WIF1: variants seen among roughly 807,000 people sequenced by gnomAD.
WIF1 encodes the protein Wnt inhibitory factor 1.
WIF1 carries 35 observed loss-of-function variants against 53.5 expected under a neutral mutation model. The observed-to-expected ratio is 0.65, with a 90% CI of 0.50 to 0.87. WIF1 has a LOEUF of 0.87. Among genes scored for constraint, WIF1 ranks in the 40% least tolerant of loss-of-function variants. The pLI, the probability that WIF1 is intolerant of heterozygous loss-of-function variation, is 0.00. For missense variants in WIF1, 467 were observed against 476.8 expected (o/e 0.98, Z 0.19); for synonymous variants, 171 against 170.4 (o/e 1.00, Z -0.03).
chr12:65,054,884 C>G (rs746475664), intron 9 of WIF1, among the ~76,000 whole-genome samples: 13 of 152,156 alleles, frequency 8.5e-5, no homozygotes, highest in Non-Finnish European at 1.8e-4. Flanking sequence ...ATGCATTACT[C>G]TTTACACACT....
chr12:65,062,541 A>G lies in WIF1; in HGVS notation c.766T>C (p.Cys256Arg). 5.6e-6 allele frequency: 9 copies of G among 1,608,756 alleles called. No individual in the cohort carries two copies. The highest frequency in any genetic ancestry group is 7.6e-6 in the Non-Finnish European group (9 of 1,177,130). Residue 256 changes from cysteine to arginine, a missense_variant, in exon 7 of 10, where the codon TGT (cysteine) becomes CGT (arginine). Transcript: ENST00000286574. The stretch of plus-strand genomic sequence containing the variant: ...CAAATACATTTTCCAGGGTAGAAAC[A>G]GGTCCCTCCATTAAAGCAGGTGGTT... ...CSTTCFNGGT[C>R]FYPGKCICPP...
chr12:65,120,217 G>C (rs554827506), intron 2 of WIF1, among the ~76,000 whole-genome samples, 200 bp downstream of exon 2: 2 of 152,282 alleles, frequency 1.3e-5, no homozygotes, highest in Admixed American at 1.3e-4. Context: ...TAGGCACAAG[G>C]CTTGTTCTTT....
chr12:65,084,516 C>T (rs1451932945), intron 2 of WIF1, among the ~76,000 whole-genome samples: 3 of 152,192 alleles, frequency 2.0e-5, no homozygotes, highest in African/African-American at 7.2e-5. Context: ...CTTAAACCAG[C>T]TTGGCCCTTA....
chr12:65,075,046 A>G (rs1882841286), intron 3 of WIF1, among the ~76,000 whole-genome samples: 1 of 152,122 alleles, frequency 6.6e-6, no homozygotes, highest in African/African-American at 2.4e-5. Flanking sequence ...TACACATCTC[A>G]GGTGAATAAA....
chr12:65,104,382 A>G (rs1403513816), intron 2 of WIF1, among the ~76,000 whole-genome samples: 3 of 152,206 alleles, frequency 2.0e-5, no homozygotes. Context: ...TATGCATGCA[A>G]CAGAATGTCT....
chr12:65,077,699 T>C, intron 3 of WIF1, 47 bp downstream of exon 3: 2 of 1,328,116 alleles, frequency 1.5e-6, no homozygotes, highest in African/African-American at 2.9e-5. Context: ...ATTCTTATCA[T>C]CATTACATTT....
intron 3 of WIF1, among the ~76,000 whole-genome samples, chr12:65,070,156 C>A (rs1882750868): frequency 6.6e-6 from 1 of 152,142 alleles, no homozygotes; most frequent in Non-Finnish European, 1.5e-5. Context: ...TACAATTTCT[C>A]AATGTGCTTT....
At chr12:65,096,650 A>G (rs1226775095) in intron 2 of WIF1, among the ~76,000 whole-genome samples, 1 of 152,242 alleles carries the variant, frequency 6.6e-6, no homozygotes, top group African/African-American at 2.4e-5. Context: ...GATAAAGAAA[A>G]TGTGGCACAT....
At chr12:65,074,740 T>A (rs1882831653) in intron 3 of WIF1, among the ~76,000 whole-genome samples, 1 of 129,410 alleles carries the variant, frequency 7.7e-6, no homozygotes. Context: ...TCACTTTAAC[T>A]CAGGAGGTGG....
chr12:65,055,174 T>C lies in WIF1; in HGVS notation c.962A>G (p.His321Arg), dbSNP rs763471616. 4.3e-6 allele frequency: 7 copies of C among 1,614,214 alleles called. No individual in the cohort carries two copies. The highest frequency in any genetic ancestry group is 3.3e-5 in the South Asian group (3 of 91,076). Residue 321 changes from histidine to arginine, a missense_variant, in exon 9 of 10, where the codon CAT becomes CGT. By Grantham distance (29) the His-to-Arg change is conservative. Coordinates refer to ENST00000286574, the MANE Select transcript of WIF1 (RefSeq NM_007191.5). Reference sequence around the variant, plus strand: ...TTGACATTGGCATTTGTTGGGTTCATGGCAGGTTCCATGTGCACCACAGCC... The same window carrying C: ...TTGACATTGGCATTTGTTGGGTTCACGGCAGGTTCCATGTGCACCACAGCC... The part of the protein sequence containing the change: ...EPGCGAHGTC[H>R]EPNKCQCQEG...
At chr12:65,053,202 G>A (rs1882468182) in intron 9 of WIF1, among the ~76,000 whole-genome samples, 1 of 152,166 alleles carries the variant, frequency 6.6e-6, no homozygotes, top group South Asian at 2.1e-4. Flanking sequence ...TGTGTGAGAA[G>A]CAATTTTCCA....
rs532273905 is a variant in WIF1, at chr12:65,051,186, C to G, written c.*163G>C. 8 of 909,992 alleles carry G rather than the reference C, an allele frequency of 8.8e-6. No homozygotes were observed. The African/African-American group carries it at 1.2e-4, about 14-fold the overall frequency. 56.4% of individuals were successfully genotyped at this position (909,992 alleles called of 1,614,324 possible). On this transcript the variant is annotated 3_prime_UTR_variant, in exon 10 of 10. Coordinates refer to ENST00000286574, the MANE Select transcript of WIF1 (RefSeq NM_007191.5). Reference sequence around the variant, plus strand: ...TCATGCTACAGACGTACTTAGAAAACTTAAAAGGAAGAGTAAATATCAGCT... The same window carrying G: ...TCATGCTACAGACGTACTTAGAAAAGTTAAAAGGAAGAGTAAATATCAGCT...
chr12:65,082,259 T>C (rs1200210617), intron 2 of WIF1, among the ~76,000 whole-genome samples: 2 of 152,158 alleles, frequency 1.3e-5, no homozygotes, highest in African/African-American at 4.8e-5. Flanking sequence ...AGAACTAGCT[T>C]TAAAGTTTGG....
chr12:65,066,805 A>G (rs878985370), intron 5 of WIF1, 69 bp from the exon 6 acceptor site: 3 of 1,096,260 alleles, frequency 2.7e-6, no homozygotes, highest in South Asian at 3.6e-5. Flanking sequence ...TGAAATGTCA[A>G]TAATACAACA....
chr12:65,073,924 C>T (rs980302168), intron 3 of WIF1, among the ~76,000 whole-genome samples: 20 of 152,002 alleles, frequency 1.3e-4, no homozygotes, highest in Middle Eastern at 3.4e-3. Flanking sequence ...TGTGTGTGTG[C>T]GAGTCTGTGT....
intron 5 of WIF1, among the ~76,000 whole-genome samples, chr12:65,067,195 A>G (rs1288206891): frequency 6.6e-6 from 1 of 152,144 alleles, no homozygotes; most frequent in African/African-American, 2.4e-5. Context: ...TATTTTGCTT[A>G]CTGTAGTCAG....
chr12:65,118,066 A>G (rs1883539457), intron 2 of WIF1, among the ~76,000 whole-genome samples: 1 of 152,248 alleles, frequency 6.6e-6, no homozygotes, highest in Non-Finnish European at 1.5e-5. Context: ...AAGGTCTTCA[A>G]TCCTGAGGTT....
intron 3 of WIF1, among the ~76,000 whole-genome samples, chr12:65,072,202 C>A (rs1370015659): frequency 6.6e-6 from 1 of 152,100 alleles, no homozygotes; most frequent in Non-Finnish European, 1.5e-5. Context: ...CTCTCAGTTC[C>A]CCAAATGTGT....
intron 7 of WIF1, among the ~76,000 whole-genome samples, chr12:65,058,579 G>A (rs1238495528): frequency 3.3e-5 from 5 of 152,150 alleles, no homozygotes; most frequent in African/African-American, 1.2e-4. Flanking sequence ...GCTATTACTA[G>A]TTTAAAGACT....
Sources: allele counts gnomAD v4.1 joint callset (sites outside exome capture counted in the v4.1 genomes callset), GRCh38; gene constraint gnomAD v4.1.1; transcripts MANE v1.5; gene names NCBI Gene and HGNC (gene_info 2026-07-23, HGNC 2026-07-21).